EPM2A: variants seen among roughly 807,000 people sequenced by gnomAD.
EPM2A encodes the protein EPM2A glucan phosphatase, laforin.
Under a neutral mutation model 26.5 loss-of-function variants are expected in EPM2A, and 21 were observed. The observed-to-expected ratio is 0.79, with a 90% CI of 0.56 to 1.14. The LOEUF (loss-of-function observed/expected upper bound fraction) is 1.14, where lower values mean the gene tolerates loss of function less well. Among genes scored for constraint, EPM2A ranks in the 50% most tolerant of loss-of-function variants. The probability of loss-of-function intolerance (pLI) is 0.00; values close to 1 mark genes in which losing one functional copy is unlikely to be tolerated. For missense variants in EPM2A, 458 were observed against 440.8 expected (o/e 1.04, Z -0.35); for synonymous variants, 217 against 177.6 (o/e 1.22, Z -1.76).
chr6:145,573,592 C>T (rs1244634353), intron 2 of EPM2A, among the ~76,000 whole-genome samples: 1 of 152,236 alleles, frequency 6.6e-6, no homozygotes, highest in Non-Finnish European at 1.5e-5. Context: ...TGGCACTAAT[C>T]TCCGCAATCC....
intron 1 of EPM2A, among the ~76,000 whole-genome samples, chr6:145,698,436 G>A (rs895010908): frequency 7.2e-5 from 11 of 152,086 alleles, no homozygotes; most frequent in Admixed American, 2.0e-4. Context: ...ATCTTTGAGG[G>A]AAAACTCCCA....
intron 1 of EPM2A, among the ~76,000 whole-genome samples, chr6:145,688,245 G>C (rs1454739146): frequency 6.6e-6 from 1 of 152,174 alleles, no homozygotes; most frequent in African/African-American, 2.4e-5. Context: ...GATAGAAGCA[G>C]AGAGTCCATT....
chr6:145,510,894 G>A (rs1780046076), intron 2 of EPM2A, among the ~76,000 whole-genome samples: 1 of 151,924 alleles, frequency 6.6e-6, no homozygotes, highest in Admixed American at 6.6e-5. Flanking sequence ...AGCACAACCA[G>A]AAACAACAAA....
chr6:145,454,172 T>C (rs1320390207), intron 4 of EPM2A, among the ~76,000 whole-genome samples: 2 of 152,208 alleles, frequency 1.3e-5, no homozygotes, highest in Non-Finnish European at 2.9e-5. Context: ...TGCTCCTGTT[T>C]TCAATAATAT....
chr6:145,457,681 A>G (rs1238895080), intron 4 of EPM2A, among the ~76,000 whole-genome samples: 1 of 152,108 alleles, frequency 6.6e-6, no homozygotes, highest in East Asian at 1.9e-4. Context: ...CAGAGAAATG[A>G]GATGACATAC....
At chr6:145,449,887 T>C (rs998690217) in intron 4 of EPM2A, among the ~76,000 whole-genome samples, 1 of 152,142 alleles carries the variant, frequency 6.6e-6, no homozygotes, top group African/African-American at 2.4e-5. Flanking sequence ...ATTTTAATGA[T>C]TAGTTATGCC....
chr6:145,627,665 C>T lies in EPM2A; in HGVS notation c.747G>A (p.Val249=), dbSNP rs755604682. 2.5e-6 allele frequency: 4 copies of T among 1,614,190 alleles called. No homozygotes were observed. The South Asian group carries it at 3.3e-5, about 13-fold the overall frequency. The part of the protein sequence containing the change: ...EGRVQMLPQA[V]CLLHALLEKG... The stretch of plus-strand genomic sequence containing the variant: ...TCTCCAGCAGCGCATGCAGCAGGCA[C>T]ACCGCCTGGGGCAGCATCTGTACTC... Residue 249 remains valine, a synonymous_variant, in exon 4 of 4, where the codon GTG becomes GTA. Transcript: ENST00000367519.
At chr6:145,670,723 T>C (rs1456974212) in intron 2 of EPM2A, among the ~76,000 whole-genome samples, 1 of 151,976 alleles carries the variant, frequency 6.6e-6, no homozygotes, top group African/African-American at 2.4e-5. Flanking sequence ...ATATATGAGA[T>C]AAAATATGTA....
intron 4 of EPM2A, among the ~76,000 whole-genome samples, chr6:145,407,092 G>T (rs773293055): frequency 1.4e-4 from 21 of 151,794 alleles, no homozygotes; most frequent in Non-Finnish European, 2.5e-4. Flanking sequence ...CTAACCCAGG[G>T]TCTTATTTCA....
intron 4 of EPM2A, among the ~76,000 whole-genome samples, chr6:145,488,209 G>C (rs1779702548): frequency 1.3e-5 from 2 of 152,064 alleles, no homozygotes; most frequent in Admixed American, 1.3e-4. Flanking sequence ...CATGCTGTTT[G>C]GTTACTGTAG....
At chr6:145,584,645 T>C (rs1781163958) in intron 2 of EPM2A, among the ~76,000 whole-genome samples, 1 of 152,154 alleles carries the variant, frequency 6.6e-6, no homozygotes, top group Non-Finnish European at 1.5e-5. Flanking sequence ...CAGCTAGGAT[T>C]CCATAGGTCT....
chr6:145,473,215 G>GA (rs1186961186), intron 4 of EPM2A, among the ~76,000 whole-genome samples: 3 of 150,774 alleles, frequency 2.0e-5, no homozygotes, highest in Admixed American at 6.6e-5. Flanking sequence ...TTGAAGTAAT[G>GA]AAAAAAAATC....
At chr6:145,687,155 A>G (rs1780981417) in intron 1 of EPM2A, among the ~76,000 whole-genome samples, 1 of 152,182 alleles carries the variant, frequency 6.6e-6, no homozygotes, top group African/African-American at 2.4e-5. Flanking sequence ...TGGTATTAGA[A>G]GCTGGGGCCT....
intron 2 of EPM2A, among the ~76,000 whole-genome samples, chr6:145,684,367 A>G (rs1780764141): frequency 2.0e-5 from 3 of 152,166 alleles, no homozygotes; most frequent in Admixed American, 1.3e-4. Context: ...ATGACTCTTC[A>G]GAAAAAAGGG....
intron 1 of EPM2A, among the ~76,000 whole-genome samples, chr6:145,707,665 T>C (rs938117694): frequency 2.6e-5 from 4 of 152,196 alleles, no homozygotes; most frequent in Admixed American, 1.3e-4. Context: ...TCTTTTGCCT[T>C]CCGCCATGAT....
Position 145,692,858 on chromosome 6 carries a change from A to C in EPM2A, c.302-6562T>G, listed in dbSNP as rs1186125330. On this transcript the variant is annotated intron_variant, in intron 1 of 3. Transcript: ENST00000367519. ...TGAAGTCAAGTAATGTGATGTCTCCAGCTTTGTTCTTTTTGCTTAGGATTG... is the reference window on the plus strand; with the variant it reads ...TGAAGTCAAGTAATGTGATGTCTCCCGCTTTGTTCTTTTTGCTTAGGATTG... Among the ~76,000 whole-genome samples, 4 of 152,174 alleles carry C rather than the reference A, an allele frequency of 2.6e-5. No homozygotes were observed. In the East Asian group the frequency reaches 7.7e-4, roughly 29 times the overall value.
At chr6:145,574,582 T>G (rs1478101693) in intron 2 of EPM2A, among the ~76,000 whole-genome samples, 1 of 152,190 alleles carries the variant, frequency 6.6e-6, no homozygotes, top group Non-Finnish European at 1.5e-5. Flanking sequence ...CAAGGGTATA[T>G]CTTCTGGACC....
At chr6:145,599,665 C>G (rs1276231118) in intron 2 of EPM2A, among the ~76,000 whole-genome samples, 1 of 151,800 alleles carries the variant, frequency 6.6e-6, no homozygotes, top group Admixed American at 6.6e-5. Context: ...TATGAACATC[C>G]TTAGTTATTT....
chr6:145,535,932 T>C (rs1219145351), intron 2 of EPM2A, among the ~76,000 whole-genome samples: 1 of 152,196 alleles, frequency 6.6e-6, no homozygotes, highest in African/African-American at 2.4e-5. Context: ...GTGTTTAAGG[T>C]AGGGGAAAAA....
Sources: allele counts gnomAD v4.1 joint callset (sites outside exome capture counted in the v4.1 genomes callset), GRCh38; gene constraint gnomAD v4.1.1; transcripts MANE v1.5; gene names NCBI Gene and HGNC (gene_info 2026-07-23, HGNC 2026-07-21).